Variants in OSBPL6 observed in about 807,000 individuals in gnomAD.
OSBPL6 encodes oxysterol-binding protein-related protein 6.
OSBPL6 carries 49 observed loss-of-function variants against 125.8 expected under a neutral mutation model. The ratio of observed to expected loss-of-function variants is 0.39; its 90% CI spans 0.31 to 0.49. The LOEUF (loss-of-function observed/expected upper bound fraction) is 0.49. Ranked by LOEUF, OSBPL6 falls within the 20% of genes least tolerant of loss-of-function variation. The pLI is 0.88. For missense variants in OSBPL6, 986 were observed against 1,135.4 expected (o/e 0.87, Z 1.89); for synonymous variants, 394 against 391.8 (o/e 1.01, Z -0.07).
At chr2:178,244,918 C>T (rs746525722) in intron 1 of OSBPL6, among the ~76,000 whole-genome samples, 2 of 152,146 alleles carry the variant, frequency 1.3e-5, no homozygotes, top group Non-Finnish European at 2.9e-5. Context: ...TGCTAAGTTA[C>T]AGATGGTATA....
rs746653123 is a variant in OSBPL6 at position 178,395,772 on chromosome 2, T to TAAAAAAAA, written c.*234_*241dup. On this transcript the variant is annotated 3_prime_UTR_variant, in exon 25 of 25. Transcript: ENST00000190611. The stretch of plus-strand genomic sequence containing the variant: ...TCTGTTTTGCTGCAACCATATTCCT[T>TAAAAAAAA]AAAAAAAAAAAAAAAAAAAAAAAAA... 1.2e-4 allele frequency: 30 copies of TAAAAAAAA among 243,416 alleles called. No individual in the cohort carries two copies. The highest frequency in any genetic ancestry group is 1.8e-4 in the Non-Finnish European group (23 of 130,312). 15.1% of individuals were successfully genotyped at this position (243,416 alleles called of 1,614,324 possible).
intron 1 of OSBPL6, among the ~76,000 whole-genome samples, chr2:178,269,779 G>A (rs1027911340): frequency 9.9e-5 from 15 of 152,072 alleles, no homozygotes; most frequent in South Asian, 2.1e-4. Context: ...ATAGGCATTC[G>A]GTCAGTATTC....
chr2:178,320,838 T>G (rs1688172922), intron 3 of OSBPL6, among the ~76,000 whole-genome samples: 1 of 152,210 alleles, frequency 6.6e-6, no homozygotes, highest in African/African-American at 2.4e-5. Context: ...TTTTCAAAAG[T>G]TCTATCCTAT....
intron 15 of OSBPL6, among the ~76,000 whole-genome samples, chr2:178,381,529 A>G (rs1337505878): frequency 6.6e-6 from 1 of 151,630 alleles, no homozygotes; most frequent in Non-Finnish European, 1.5e-5. Context: ...AATTTTTTGT[A>G]TTTTTAGTAG....
intron 1 of OSBPL6, among the ~76,000 whole-genome samples, chr2:178,218,417 AAAAGAG>A (rs1414097551): frequency 2.7e-5 from 4 of 150,724 alleles, no homozygotes; most frequent in South Asian, 2.1e-4. Context: ...TTAAAAAAAA[AAAAGAG>A]AGAGAGAGAA....
chr2:178,292,778 C>T (rs1433366659), intron 2 of OSBPL6, among the ~76,000 whole-genome samples: 1 of 151,930 alleles, frequency 6.6e-6, no homozygotes, highest in East Asian at 1.9e-4. Context: ...TAAGCCAGTA[C>T]ACAGATAATA....
chr2:178,284,072 A>G (rs1458685402), intron 1 of OSBPL6, among the ~76,000 whole-genome samples: 2 of 152,186 alleles, frequency 1.3e-5, no homozygotes, highest in Non-Finnish European at 2.9e-5. Context: ...AATTATGTCA[A>G]GTTAAAAACT....
At chr2:178,210,698 G>A (rs1303787888) in intron 1 of OSBPL6, among the ~76,000 whole-genome samples, 1 of 152,032 alleles carries the variant, frequency 6.6e-6, no homozygotes, top group Non-Finnish European at 1.5e-5. Context: ...TGTAATCCCA[G>A]CTACTTGGGA....
At chr2:178,264,327 A>G (rs754405830) in intron 1 of OSBPL6, among the ~76,000 whole-genome samples, 21 of 152,162 alleles carry the variant, frequency 1.4e-4, no homozygotes, top group Non-Finnish European at 2.9e-4. Context: ...CAATTCAGAA[A>G]TGTTAACTCC....
intron 1 of OSBPL6, among the ~76,000 whole-genome samples, chr2:178,252,108 T>C (rs1231166176): frequency 6.6e-6 from 1 of 152,226 alleles, no homozygotes; most frequent in East Asian, 1.9e-4. Context: ...CCATTCATTT[T>C]CTTAAATTGT....
intron 5 of OSBPL6, 55 bp downstream of exon 5, chr2:178,328,433 T>C: frequency 1.9e-6 from 3 of 1,587,118 alleles, no homozygotes; most frequent in African/African-American, 1.4e-5. Flanking sequence ...AAGAAGATCT[T>C]ATTTGCTATC....
chr2:178,389,378 C>A (rs917299729), intron 21 of OSBPL6, among the ~76,000 whole-genome samples: 1 of 151,590 alleles, frequency 6.6e-6, no homozygotes, highest in Non-Finnish European at 1.5e-5. Context: ...AGAAAAAAAA[C>A]ACATGTCTTT....
intron 1 of OSBPL6, among the ~76,000 whole-genome samples, chr2:178,231,718 C>T (rs2090830282): frequency 6.8e-6 from 1 of 147,362 alleles, no homozygotes; most frequent in Non-Finnish European, 1.5e-5. Context: ...ATGATTACAC[C>T]TCACTGCAGC....
chr2:178,276,127 A>G (rs2092464076), intron 1 of OSBPL6, among the ~76,000 whole-genome samples: 1 of 152,206 alleles, frequency 6.6e-6, no homozygotes, highest in Non-Finnish European at 1.5e-5. Flanking sequence ...TATTACGATC[A>G]TCATAATTCA....
chr2:178,257,387 T>C (rs1303614407), intron 1 of OSBPL6, among the ~76,000 whole-genome samples: 1 of 152,244 alleles, frequency 6.6e-6, no homozygotes, highest in African/African-American at 2.4e-5. Flanking sequence ...TCATATAGTA[T>C]ACTTTGTAAC....
At chr2:178,210,702 C>T (rs1170355819) in intron 1 of OSBPL6, among the ~76,000 whole-genome samples, 1 of 151,870 alleles carries the variant, frequency 6.6e-6, no homozygotes, top group Non-Finnish European at 1.5e-5. Flanking sequence ...ATCCCAGCTA[C>T]TTGGGAGGCT....
intron 3 of OSBPL6, among the ~76,000 whole-genome samples, chr2:178,308,308 T>C (rs1686965531): frequency 1.3e-5 from 2 of 152,234 alleles, no homozygotes; most frequent in African/African-American, 4.8e-5. Flanking sequence ...TTTTGACTGA[T>C]CATGTGATGT....
At chr2:178,337,050 C>T (rs762980227) in intron 9 of OSBPL6, among the ~76,000 whole-genome samples, 18 of 152,156 alleles carry the variant, frequency 1.2e-4, no homozygotes, top group Non-Finnish European at 1.5e-4. Context: ...GCCTCTTCAT[C>T]TCTTCTTACC....
At chr2:178,308,316 T>A (rs1686966596) in intron 3 of OSBPL6, among the ~76,000 whole-genome samples, 1 of 152,240 alleles carries the variant, frequency 6.6e-6, no homozygotes, top group Non-Finnish European at 1.5e-5. Context: ...GATCATGTGA[T>A]GTGATGTAGT....
Sources: gnomAD v4.1 joint callset for allele counts (sites outside exome capture counted in the v4.1 genomes callset) on GRCh38, gnomAD v4.1.1 for gene constraint, MANE v1.5 for transcripts, NCBI Gene and HGNC (gene_info 2026-07-23, HGNC 2026-07-21) for gene names.